The following ST6GALNAC3 variants were observed in gnomAD, a reference collection of about 807,000 sequenced individuals.
The protein encoded by ST6GALNAC3 is ST6 N-acetylgalactosaminide alpha-2,6-sialyltransferase 3, also known as alpha-N-acetylgalactosaminide alpha-2,6-sialyltransferase 3.
Under a neutral mutation model 32.7 loss-of-function variants are expected in ST6GALNAC3, and 25 were observed. The ratio of observed to expected loss-of-function variants is 0.76; its 90% CI spans 0.56 to 1.07. ST6GALNAC3 has a LOEUF of 1.07. Ranked by LOEUF, ST6GALNAC3 falls within the 50% of genes least tolerant of loss-of-function variation. ST6GALNAC3 has a pLI of 0.00. For synonymous variants in ST6GALNAC3, 129 were observed against 133.1 expected, an observed-to-expected ratio of 0.97 and a Z score of 0.21; for missense variants, 355 against 382.4, an observed-to-expected ratio of 0.93 and a Z score of 0.60.
intron 3 of ST6GALNAC3, among the ~76,000 whole-genome samples, chr1:76,577,682 T>C (rs1363993724): frequency 4.6e-5 from 7 of 151,944 alleles, no homozygotes; most frequent in Non-Finnish European, 7.4e-5. Context: ...ATTGTGCACA[T>C]GTTCCTCCCA....
intron 2 of ST6GALNAC3, among the ~76,000 whole-genome samples, chr1:76,410,512 G>C (rs1426842373): frequency 6.6e-6 from 1 of 151,838 alleles, no homozygotes; most frequent in African/African-American, 2.4e-5. Context: ...TTAGTACTTA[G>C]CAAAATTTAA....
chr1:76,561,683 G>T (rs1301401497), intron 3 of ST6GALNAC3, among the ~76,000 whole-genome samples: 1 of 152,160 alleles, frequency 6.6e-6, no homozygotes, highest in Non-Finnish European at 1.5e-5. Flanking sequence ...GAATCAAAAT[G>T]GCACAGCAGT....
intron 2 of ST6GALNAC3, among the ~76,000 whole-genome samples, chr1:76,326,507 T>C (rs1477953169): frequency 2.0e-5 from 3 of 152,222 alleles, no homozygotes; most frequent in African/African-American, 7.2e-5. Flanking sequence ...CATTAAATGT[T>C]AACTTGAAAA....
At chr1:76,305,096 T>C (rs1482334721) in intron 1 of ST6GALNAC3, among the ~76,000 whole-genome samples, 1 of 151,988 alleles carries the variant, frequency 6.6e-6, no homozygotes, top group Admixed American at 6.6e-5. Context: ...ACAGGTGGAT[T>C]GGAGAACATT....
rs1261278410 is a variant in ST6GALNAC3 at position 76,631,542 on chromosome 1, A to C, written c.*2736A>C. ...AGCTTGGTAAGGGAGCAATTCAAGG[A>C]AACTATTTTGCCATGCACATTTCTG... is the stretch of plus-strand genomic sequence containing the variant. On this transcript the variant is annotated 3_prime_UTR_variant, in exon 5 of 5. Coordinates refer to ENST00000328299, the MANE Select transcript of ST6GALNAC3 (RefSeq NM_152996.4). 1 of 152,084 alleles carries C rather than the reference A, an allele frequency of 6.6e-6. No homozygotes were observed. The highest frequency in any genetic ancestry group is 1.9e-4 in the East Asian group (1 of 5,198). The allele number at this position is 152,084 out of a possible 1,614,324, so 9.4% of individuals were successfully genotyped here. A position where few individuals can be genotyped will look rare whatever the true frequency, so the allele number is the denominator to read the frequency against.
chr1:76,428,756 T>C (rs1206105080), intron 3 of ST6GALNAC3, among the ~76,000 whole-genome samples: 3 of 152,202 alleles, frequency 2.0e-5, no homozygotes, highest in African/African-American at 7.2e-5. Flanking sequence ...GAACTCATTA[T>C]GCATTAGTTT....
chr1:76,139,751 G>C (rs1428981416), intron 1 of ST6GALNAC3, among the ~76,000 whole-genome samples: 2 of 152,176 alleles, frequency 1.3e-5, no homozygotes, highest in African/African-American at 4.8e-5. Context: ...TCTAGTTCTG[G>C]TTGTGACCCT....
chr1:76,499,697 A>G lies in ST6GALNAC3; in HGVS notation c.623+87280A>G, dbSNP rs562268503. Among the ~76,000 whole-genome samples, 9 of 152,302 alleles carry G rather than the reference A, an allele frequency of 5.9e-5. No individual in the cohort carries two copies. In the Middle Eastern group the frequency reaches 0.01, roughly 173 times the overall value. On this transcript the variant is annotated intron_variant, in intron 3 of 4. Coordinates refer to ENST00000328299, the MANE Select transcript of ST6GALNAC3 (RefSeq NM_152996.4). ...TATAATTCAAATGTGCTATGCTAAT[A>G]GAACCTCCCTCTTAGTGTGCAAGAG...
intron 2 of ST6GALNAC3, among the ~76,000 whole-genome samples, chr1:76,336,406 G>T (rs1557798664): frequency 6.6e-6 from 1 of 152,154 alleles, no homozygotes; most frequent in Non-Finnish European, 1.5e-5. Flanking sequence ...CAATGGTATA[G>T]AGGTCTCTAA....
intron 1 of ST6GALNAC3, among the ~76,000 whole-genome samples, chr1:76,107,444 C>T (rs1260732798): frequency 6.6e-6 from 1 of 152,118 alleles, no homozygotes; most frequent in Non-Finnish European, 1.5e-5. Flanking sequence ...AAGACTCAAA[C>T]CCAGATTGGT....
chr1:76,232,364 T>A (rs761862840), intron 1 of ST6GALNAC3, among the ~76,000 whole-genome samples: 2 of 152,116 alleles, frequency 1.3e-5, no homozygotes, highest in Non-Finnish European at 2.9e-5. Flanking sequence ...TACTGGATGA[T>A]CTACAGGGAG....
intron 3 of ST6GALNAC3, among the ~76,000 whole-genome samples, chr1:76,426,406 T>C (rs1434651008): frequency 6.6e-6 from 1 of 151,808 alleles, no homozygotes; most frequent in East Asian, 1.9e-4. Flanking sequence ...ATCACCAATA[T>C]CGCTGTCTTC....
chr1:76,605,099 C>G (rs1052063070), intron 3 of ST6GALNAC3, among the ~76,000 whole-genome samples: 1 of 152,110 alleles, frequency 6.6e-6, no homozygotes. Context: ...TCCAGAGACT[C>G]TATACAGGTG....
intron 3 of ST6GALNAC3, among the ~76,000 whole-genome samples, chr1:76,448,465 G>T (rs1393245012): frequency 6.6e-6 from 1 of 152,142 alleles, no homozygotes; most frequent in Admixed American, 6.5e-5. Flanking sequence ...GATTAGTTTT[G>T]AAATGTGAGG....
In ST6GALNAC3 at chr1:76,455,199, C is replaced by T. The variant is rs144431334; in HGVS notation, c.623+42782C>T. Among the ~76,000 whole-genome samples the T allele has an allele frequency of 1.5e-3, 224 of 152,122 alleles. 1 individual carries two copies. The highest frequency in any genetic ancestry group is 5.0e-3 in the African/African-American group (208 of 41,528). Reference sequence around the variant, plus strand: ...TGGCTACAATATCTTTTATTATTTACATCTATCATTATTTTCTGTTTTCTG... The same window carrying T: ...TGGCTACAATATCTTTTATTATTTATATCTATCATTATTTTCTGTTTTCTG... On this transcript the variant is annotated intron_variant, in intron 3 of 4. Transcript: ENST00000328299.
chr1:76,188,339 A>G (rs1411340516), intron 1 of ST6GALNAC3, among the ~76,000 whole-genome samples: 2 of 152,094 alleles, frequency 1.3e-5, no homozygotes, highest in Non-Finnish European at 2.9e-5. Flanking sequence ...TCCAGCCTGG[A>G]TGACAGAGCA....
chr1:76,492,558 T>C (rs1660565722), intron 3 of ST6GALNAC3, among the ~76,000 whole-genome samples: 1 of 152,096 alleles, frequency 6.6e-6, no homozygotes, highest in South Asian at 2.1e-4. Flanking sequence ...ACCTGTGCCA[T>C]AGAAAGTGTC....
Position 76,629,531 on chromosome 1 carries a change from A to T in ST6GALNAC3, c.*725A>T. On this transcript the variant is annotated 3_prime_UTR_variant, in exon 5 of 5. Coordinates refer to ENST00000328299, the MANE Select transcript of ST6GALNAC3 (RefSeq NM_152996.4). Reference sequence around the variant, plus strand: ...CTTACTACCAACAGTATAACTGAACATGTGATTAGAATGATCTATATTAAT... The same window carrying T: ...CTTACTACCAACAGTATAACTGAACTTGTGATTAGAATGATCTATATTAAT... The T allele has an allele frequency of 1.0e-6, 1 of 984,966 alleles. No homozygotes were observed. Among genetic ancestry groups the T allele is most frequent in the Non-Finnish European group, 1.2e-6 (1 of 829,234 alleles). 61.0% of individuals were successfully genotyped at this position (984,966 alleles called of 1,614,324 possible). A position where few individuals can be genotyped will look rare whatever the true frequency, so the allele number is the denominator to read the frequency against.
At chr1:76,294,105 G>A (rs922949987) in intron 1 of ST6GALNAC3, among the ~76,000 whole-genome samples, 2 of 152,028 alleles carry the variant, frequency 1.3e-5, no homozygotes, top group Non-Finnish European at 2.9e-5. Flanking sequence ...CCTTGCTAAC[G>A]GAATTGCTAA....
Sources: allele counts gnomAD v4.1 joint callset (sites outside exome capture counted in the v4.1 genomes callset), GRCh38; gene constraint gnomAD v4.1.1; transcripts MANE v1.5; gene names NCBI Gene and HGNC (gene_info 2026-07-23, HGNC 2026-07-21).